PYGB: variants seen among roughly 807,000 people sequenced by gnomAD.
PYGB encodes glycogen phosphorylase B, also known as glycogen phosphorylase, brain form.
Under a neutral mutation model 94.3 loss-of-function variants are expected in PYGB, and 82 were observed. The ratio of observed to expected loss-of-function variants is 0.87; its 90% CI spans 0.73 to 1.04. The LOEUF (loss-of-function observed/expected upper bound fraction) is 1.04. Among genes scored for constraint, PYGB ranks in the 50% least tolerant of loss-of-function variants. PYGB has a pLI of 0.00. For synonymous variants in PYGB, 488 were observed against 479.1 expected (o/e 1.02, Z -0.24); for missense variants, 1,132 against 1,158.2 (o/e 0.98, Z 0.33).
rs751673321 is a variant in PYGB at position 25,248,308 on chromosome 20, C to T, written c.130C>T (p.Arg44Cys). The T allele has an allele frequency of 2.5e-6, 4 of 1,604,756 alleles. No homozygotes were observed. The highest frequency in any genetic ancestry group is 1.1e-5 in the South Asian group (1 of 89,588). ...RHLHFTLVKDRNVATPRDYFF... is the reference protein window; with the variant it reads ...RHLHFTLVKDCNVATPRDYFF... Reference sequence around the variant, plus strand: ...CTTGCACTTCACGCTGGTCAAGGACCGCAATGTGGCCACGCCCCGCGACTA... The same window carrying T: ...CTTGCACTTCACGCTGGTCAAGGACTGCAATGTGGCCACGCCCCGCGACTA... Residue 44 changes from arginine (R) to cysteine (C), a missense_variant, in exon 1 of 20, where the codon CGC becomes TGC. By Grantham distance (180) the Arg-to-Cys change is radical. Coordinates refer to ENST00000216962, the MANE Select transcript of PYGB (RefSeq NM_002862.4).
At chr20:25,285,766 C>T (rs1411103762) in intron 14 of PYGB, among the ~76,000 whole-genome samples, 1 of 152,070 alleles carries the variant, frequency 6.6e-6, no homozygotes, top group Non-Finnish European at 1.5e-5. Context: ...CTCACAGCAT[C>T]AATACTTTGC....
chr20:25,283,308 C>A, intron 13 of PYGB, 31 bp downstream of exon 13: 7 of 1,576,540 alleles, frequency 4.4e-6, no homozygotes, highest in Non-Finnish European at 6.1e-6. Context: ...AGCCCCGACC[C>A]CAGCCCTCCC....
intron 1 of PYGB, 83 bp downstream of exon 1, chr20:25,248,504 G>A (rs929546194): frequency 1.6e-6 from 2 of 1,265,358 alleles, no homozygotes; most frequent in African/African-American, 1.6e-5. Flanking sequence ...GTCTCTGCGG[G>A]GCGGCCCGTC....
At chr20:25,292,362 T>C (rs778144316) in intron 16 of PYGB, 44 bp from the exon 17 acceptor site, 58 of 1,591,898 alleles carry the variant, frequency 3.6e-5, no homozygotes, top group East Asian at 8.9e-5. Context: ...GCTGAGGACA[T>C]TGGGGTCCTC....
chr20:25,272,587 C>T (rs1015619118), intron 4 of PYGB, among the ~76,000 whole-genome samples: 2 of 152,250 alleles, frequency 1.3e-5, no homozygotes, highest in African/African-American at 4.8e-5. Flanking sequence ...CATAATGTTT[C>T]TGCATGTTTG....
chr20:25,294,899 A>G (rs562465392), intron 18 of PYGB: 43 of 1,551,632 alleles, frequency 2.8e-5, no homozygotes, highest in South Asian at 5.6e-5. Context: ...CCTGCCCTCC[A>G]CTTTCAGCTG....
rs752329685 is a variant in PYGB at position 25,296,518 on chromosome 20, ACT to A, written c.2529_2530del (p.Asp843GlufsTer17). The A allele has an allele frequency of 6.2e-7, 1 of 1,612,734 alleles. No homozygotes were observed. The highest frequency in any genetic ancestry group is 1.1e-5 in the South Asian group (1 of 91,030). On this transcript the variant is annotated frameshift_variant and stop_lost, in exon 20 of 20. Transcript: ENST00000216962. LOFTEE classifies it high-confidence loss of function. ...ATCCCGCCCCCCAACATCCCCCGGG[ACT>A]AGGCACACCCTGCCTTGGCGGGACC...
chr20:25,278,232 C>A, intron 7 of PYGB, 87 bp from the exon 8 acceptor site: 1 of 1,010,634 alleles, frequency 9.9e-7, no homozygotes, highest in East Asian at 7.3e-5. Context: ...CTTCTGCCTG[C>A]ACCTTTGAGC....
chr20:25,250,874 G>GA (rs1409375181), intron 1 of PYGB: 1 of 152,126 alleles, frequency 6.6e-6, no homozygotes, highest in African/African-American at 2.4e-5. Context: ...AAGCCAGAAG[G>GA]AAAAAAATTA....
At chr20:25,267,624 G>A (rs1466695309) in intron 2 of PYGB, among the ~76,000 whole-genome samples, 1 of 152,084 alleles carries the variant, frequency 6.6e-6, no homozygotes, top group East Asian at 1.9e-4. Flanking sequence ...TCAACCTCCC[G>A]GGCTCAAGCC....
Position 25,260,812 on chromosome 20 carries a change from C to T in PYGB, c.345+1474C>T, listed in dbSNP as rs1032997686. 4.6e-5 allele frequency among the ~76,000 whole-genome samples: 7 copies of T among 152,214 alleles called. No homozygotes were observed. In the East Asian group the frequency reaches 5.8e-4, roughly 13 times the overall value. ...CCACTTTTCCAACGGTCTTAGCAAA[C>T]GGCACACGAGGAAATTATATCCCGC... On this transcript the variant is annotated intron_variant, in intron 2 of 19. Coordinates refer to ENST00000216962, the MANE Select transcript of PYGB (RefSeq NM_002862.4).
At chr20:25,271,245 C>A in intron 3 of PYGB, 138 bp from the exon 4 acceptor site, 2 of 742,174 alleles carry the variant, frequency 2.7e-6, no homozygotes, top group Non-Finnish European at 4.6e-6. Flanking sequence ...AGGCTGAGGG[C>A]TCCAGTTTTC....
At chr20:25,272,440 G>T (rs1270941681) in intron 4 of PYGB, among the ~76,000 whole-genome samples, 1 of 152,218 alleles carries the variant, frequency 6.6e-6, no homozygotes, top group Non-Finnish European at 1.5e-5. Context: ...GCAAGGAGCT[G>T]CTGTCCATGA....
intron 5 of PYGB, among the ~76,000 whole-genome samples, chr20:25,276,343 A>G (rs1360188254): frequency 1.3e-5 from 2 of 151,990 alleles, no homozygotes; most frequent in East Asian, 1.9e-4. Flanking sequence ...GGGAGTCGGG[A>G]TGGGGATGAT....
intron 15 of PYGB, 92 bp downstream of exon 15, chr20:25,288,575 C>A: frequency 6.9e-7 from 1 of 1,444,094 alleles, no homozygotes; most frequent in Non-Finnish European, 9.6e-7. Context: ...CCACCACATC[C>A]ATACTCGGGA....
chr20:25,268,686 A>G (rs1317255359), intron 2 of PYGB, among the ~76,000 whole-genome samples: 2 of 152,250 alleles, frequency 1.3e-5, no homozygotes, highest in African/African-American at 4.8e-5. Flanking sequence ...GGCTTCTGGA[A>G]TGGCTTTAAG....
intron 1 of PYGB, among the ~76,000 whole-genome samples, chr20:25,255,606 TG>T (rs1242325803): frequency 1.3e-5 from 2 of 152,214 alleles, no homozygotes; most frequent in Non-Finnish European, 2.9e-5. Flanking sequence ...TGAGGCATGC[TG>T]GCACCGACAG....
intron 2 of PYGB, among the ~76,000 whole-genome samples, chr20:25,259,917 C>T (rs2092909891): frequency 6.6e-6 from 1 of 152,220 alleles, no homozygotes. Context: ...CCAGCTGAGT[C>T]TCTAGAGTAT....
At position 25,274,609 on chromosome 20, in the gene PYGB, C is replaced by T. The variant is rs2088294194; in HGVS notation, c.546C>T (p.Asp182=). The change falls in exon 5 of 20, where the codon GAC becomes GAT. Residue 182 remains aspartate, a synonymous_variant. Coordinates refer to ENST00000216962, the MANE Select transcript of PYGB (RefSeq NM_002862.4). ...CTTTCCAGGTAGAGGAGGCCGATGA[C>T]TGGCTGCGCTACGGCAACCCCTGGG... The part of the protein sequence containing the change: ...VNGWQVEEAD[D]WLRYGNPWEK... The T allele has an allele frequency of 4.3e-6, 7 of 1,613,552 alleles. No homozygotes were observed. Among genetic ancestry groups the T allele is most frequent in the Non-Finnish European group, 5.9e-6 (7 of 1,179,854 alleles).
Sources: gnomAD v4.1 joint callset for allele counts (sites outside exome capture counted in the v4.1 genomes callset) on GRCh38, gnomAD v4.1.1 for gene constraint, MANE v1.5 for transcripts, NCBI Gene and HGNC (gene_info 2026-07-23, HGNC 2026-07-21) for gene names.